Variants in TRANK1 observed in about 807,000 individuals in gnomAD.
TRANK1 encodes the protein TPR and ankyrin repeat-containing protein 1.
Under a neutral mutation model 266.0 loss-of-function variants are expected in TRANK1, and 198 were observed. The observed-to-expected ratio is 0.74, with a 90% CI of 0.66 to 0.84. The LOEUF is 0.84. TRANK1 is among the 40% of genes least tolerant of loss of function. TRANK1 has a pLI of 0.00. For synonymous variants in TRANK1, 1,396 were observed against 1,384.1 expected (o/e 1.01, Z -0.19); for missense variants, 3,326 against 3,634.6 (o/e 0.92, Z 2.18).
intron 3 of TRANK1, among the ~76,000 whole-genome samples, chr3:36,900,877 G>T (rs201439945): frequency 2.6e-5 from 2 of 75,650 alleles, no homozygotes; most frequent in African/African-American, 9.7e-5. Flanking sequence ...AAAAAAAAAA[G>T]ATAACAGGTG....
rs1179045636 is a variant in TRANK1 at position 36,833,161 on chromosome 3, A to G, written c.6422T>C (p.Ile2141Thr). The G allele has an allele frequency of 1.9e-6, 3 of 1,613,700 alleles. No individual in the cohort carries two copies. Among genetic ancestry groups the G allele is most frequent in the Non-Finnish European group, 1.7e-6 (2 of 1,179,736 alleles). ...QNDPGPILRIIFDLDLNLREK... is the reference protein window; with the variant it reads ...QNDPGPILRITFDLDLNLREK... Reference sequence around the variant, plus strand: ...TCTCAAGTTCAAATCCAGGTCAAAAATTATTCTTAATATGGGCCCAGGGTC... The same window carrying G: ...TCTCAAGTTCAAATCCAGGTCAAAAGTTATTCTTAATATGGGCCCAGGGTC... The change falls in exon 22 of 24, where the codon ATT (isoleucine) becomes ACT (threonine). Residue 2141 changes from isoleucine to threonine, a missense_variant. Ile to Thr is a moderately conservative substitution (Grantham distance 89). Coordinates refer to ENST00000645898, the MANE Select transcript of TRANK1 (RefSeq NM_001329998.2).
In TRANK1 at chr3:36,833,125, G is replaced by GT. The variant is rs770469799; in HGVS notation, c.6457dup (p.Thr2153AsnfsTer10). 2.5e-6 allele frequency: 4 copies of GT among 1,612,434 alleles called. No homozygotes were observed. The highest frequency in any genetic ancestry group is 3.4e-6 in the Non-Finnish European group (4 of 1,179,096). On this transcript the variant is annotated frameshift_variant, in exon 22 of 24. Transcript: ENST00000645898. LOFTEE classifies it high-confidence loss of function. ...AGTCATTATCAAAAAATGATCTTTT[G>GT]TTTTTTTCTCTCTCAAGTTCAAATC...
Position 36,846,374 on chromosome 3 carries a change from T to C in TRANK1, c.5065A>G (p.Thr1689Ala), listed in dbSNP as rs2078914783. The change falls in exon 17 of 24, where the codon ACC becomes GCC. Residue 1689 changes from threonine to alanine, a missense_variant. Thr to Ala is a moderately conservative substitution (Grantham distance 58, BLOSUM62 0). Transcript: ENST00000645898. Reference protein sequence around the residue: ...LLNGELKQLYTAITRARVNLW... With the variant: ...LLNGELKQLYAAITRARVNLW... ...TTGACCCGAGCCCGTGTGATGGCGG[T>C]GTACAGCTGCTTCAGCTCTCCGTTG... is the stretch of plus-strand genomic sequence containing the variant. 2.5e-6 allele frequency: 4 copies of C among 1,613,588 alleles called. No homozygotes were observed. Among genetic ancestry groups the C allele is most frequent in the Non-Finnish European group, 3.4e-6 (4 of 1,179,700 alleles).
At position 36,831,430 on chromosome 3, in the gene TRANK1, G is replaced by A; in HGVS notation, c.8153C>T (p.Ser2718Phe). ...TGCCCTCCTCAACTTCCGCTGTATG[G>A]AGGCCTTCCGTTGCTTTTGGGAAAG... Reference protein sequence around the residue: ...TILSQKQRKASIQRKLRRACL... With the variant: ...TILSQKQRKAFIQRKLRRACL... Residue 2718 changes from serine to phenylalanine, a missense_variant, in exon 22 of 24, where the codon TCC becomes TTC. Physicochemically the swap from Ser to Phe is radical, Grantham distance 155 (BLOSUM62 -2). Coordinates refer to ENST00000645898, the MANE Select transcript of TRANK1 (RefSeq NM_001329998.2). This position sits in a 1 kb window ranked among gnomAD's most constrained non-coding sequence, Gnocchi z 5.0. 1 of 1,612,964 alleles carries A rather than the reference G, an allele frequency of 6.2e-7. No homozygotes were observed. The highest frequency in any genetic ancestry group is 1.1e-5 in the South Asian group (1 of 90,824).
intron 9 of TRANK1, among the ~76,000 whole-genome samples, chr3:36,868,350 A>T (rs1351369107): frequency 6.6e-6 from 1 of 152,180 alleles, no homozygotes; most frequent in African/African-American, 2.4e-5. Flanking sequence ...GTTTCCAAGA[A>T]CCTGTTAATA....
At position 36,858,044 on chromosome 3, in the gene TRANK1, T is replaced by C; in HGVS notation, c.1678A>G (p.Ile560Val). The C allele has an allele frequency of 6.5e-7, 1 of 1,546,872 alleles. No individual in the cohort carries two copies. The highest frequency in any genetic ancestry group is 1.2e-5 in the South Asian group (1 of 82,230). Residue 560 changes from isoleucine (I) to valine (V), a missense_variant, in exon 13 of 24, where the codon ATT (isoleucine) becomes GTT (valine). Transcript: ENST00000645898. ...LHIFLEIKAD[I>V]GFSFLSHLLD... is the part of the protein sequence containing the mutation. ...AGATGGCTGAGGAAGCTAAAACCAA[T>C]GTCAGCTGAAAGACACAAACAAAAC...
In TRANK1 at chr3:36,833,452, T is replaced by C; in HGVS notation, c.6131A>G (p.Gln2044Arg). The C allele has an allele frequency of 6.2e-7, 1 of 1,613,876 alleles. No homozygotes were observed. Among genetic ancestry groups the C allele is most frequent in the Non-Finnish European group, 8.5e-7 (1 of 1,179,800 alleles). The change falls in exon 22 of 24, where the codon CAG becomes CGG. Residue 2044 changes from glutamine (Q) to arginine (R), a missense_variant. By Grantham distance (43) the Gln-to-Arg change is conservative. Transcript: ENST00000645898. ...CTTGAAGAAGGCATCCCTGAGCTTC[T>C]GAAAGTCTCTCAGGATTACCCCTTG... is the stretch of plus-strand genomic sequence containing the variant. ...FLQGVILRDF[Q>R]KLRDAFFKFD... is the part of the protein sequence containing the mutation.
rs376323621 is a variant in TRANK1, at chr3:36,892,284, C to T, written c.693G>A (p.Gln231=). The change falls in exon 7 of 24, where the codon CAG becomes CAA. Residue 231 remains glutamine (Q), a synonymous_variant. Transcript: ENST00000645898. ...CACTTGCACCAATGGAGATGAGCCA[C>T]TGGACTAACTTGGGCACTTGTTCCA... ...EKMEQVPKLV[Q]WLISIGASVE... 56 of 1,537,058 alleles carry T rather than the reference C, an allele frequency of 3.6e-5. No individual in the cohort carries two copies. In the African/African-American group the frequency reaches 6.2e-4, roughly 17 times the overall value.
At chr3:36,869,035 T>C (rs2079267590) in intron 9 of TRANK1, among the ~76,000 whole-genome samples, 1 of 152,236 alleles carries the variant, frequency 6.6e-6, no homozygotes, top group Admixed American at 6.5e-5. Flanking sequence ...GTAGAGAAAG[T>C]GGACATGCTG....
chr3:36,873,987 C>A, intron 9 of TRANK1, 139 bp downstream of exon 9: 2 of 655,024 alleles, frequency 3.1e-6, no homozygotes, highest in Non-Finnish European at 2.2e-6. Flanking sequence ...AACAAGTTTT[C>A]CAAAGATTGG....
At chr3:36,933,112 AT>A (rs1334720430) in intron 1 of TRANK1, among the ~76,000 whole-genome samples, 2 of 151,664 alleles carry the variant, frequency 1.3e-5, no homozygotes, top group Non-Finnish European at 2.9e-5. Flanking sequence ...TCCTTTCCTT[AT>A]TTGGAAATGC....
At chr3:36,889,638 C>T (rs2125602174) in intron 8 of TRANK1, among the ~76,000 whole-genome samples, 191 bp downstream of exon 8, 1 of 152,340 alleles carries the variant, frequency 6.6e-6, no homozygotes, top group Non-Finnish European at 1.5e-5. Context: ...TCTTCTTTCT[C>T]TCACCTCACC....
At chr3:36,875,679 A>G (rs1322952453) in intron 8 of TRANK1, among the ~76,000 whole-genome samples, 1 of 152,262 alleles carries the variant, frequency 6.6e-6, no homozygotes, top group African/African-American at 2.4e-5. Context: ...CCTCCAGGGT[A>G]TCAACCCAAA....
chr3:36,894,747 G>T (rs1055537822), intron 5 of TRANK1, among the ~76,000 whole-genome samples: 1 of 152,166 alleles, frequency 6.6e-6, no homozygotes, highest in East Asian at 1.9e-4. Flanking sequence ...CATCCAACCT[G>T]CTAGGATCAG....
chr3:36,923,714 T>C (rs1311149444), intron 1 of TRANK1, among the ~76,000 whole-genome samples: 1 of 152,082 alleles, frequency 6.6e-6, no homozygotes, highest in Admixed American at 6.6e-5. Flanking sequence ...CCTCCGAGAA[T>C]AGCCTCTAAG....
At chr3:36,903,067 T>G in intron 3 of TRANK1, 82 bp downstream of exon 3, 6 of 1,452,706 alleles carry the variant, frequency 4.1e-6, no homozygotes, top group East Asian at 2.6e-5. Flanking sequence ...GCCCCACACT[T>G]TCTCTCATCC....
chr3:36,863,562 A>C (rs1010790908), intron 10 of TRANK1, among the ~76,000 whole-genome samples: 14 of 152,220 alleles, frequency 9.2e-5, no homozygotes, highest in African/African-American at 3.4e-4. Context: ...CCATCCTAAC[A>C]GCTAACGAGT....
At chr3:36,870,051 T>C (rs1430568568) in intron 9 of TRANK1, among the ~76,000 whole-genome samples, 2 of 152,256 alleles carry the variant, frequency 1.3e-5, no homozygotes, top group African/African-American at 2.4e-5. Context: ...ATTCAATATA[T>C]AATTTCATTC....
chr3:36,878,699 C>T (rs1212436023), intron 8 of TRANK1, among the ~76,000 whole-genome samples: 1 of 148,436 alleles, frequency 6.7e-6, no homozygotes, highest in South Asian at 2.1e-4. Context: ...GATCTTCACA[C>T]AAAACCCCTA....
Sources: gnomAD v4.1 joint callset for allele counts (sites outside exome capture counted in the v4.1 genomes callset) on GRCh38, gnomAD v4.1.1 for gene constraint, Gnocchi (gnomAD v3.1) non-coding constraint, MANE v1.5 for transcripts, NCBI Gene and HGNC (gene_info 2026-07-23, HGNC 2026-07-21) for gene names.